AFF3: variants seen among roughly 807,000 people sequenced by gnomAD.
AFF3 encodes the protein ALF transcription elongation factor 3, also known as AF4/FMR2 family member 3.
In AFF3, 32 loss-of-function variants were observed where a neutral mutation model predicts 129.7. That is an observed-to-expected ratio of 0.25 (90% CI 0.19 to 0.33). The LOEUF is 0.33. AFF3 is among the 10% of genes least tolerant of loss of function. The probability of loss-of-function intolerance (pLI) is 1.00; values close to 1 mark genes in which losing one functional copy is unlikely to be tolerated. For synonymous variants in AFF3, 644 were observed against 635.4 expected, an observed-to-expected ratio of 1.01 and a Z score of -0.20; for missense variants, 1,373 against 1,592.0, an observed-to-expected ratio of 0.86 and a Z score of 2.34.
At position 99,911,415 on chromosome 2, in the gene AFF3, T is replaced by C. The variant is rs192712646; in HGVS notation, c.874-73891A>G. Among the ~76,000 whole-genome samples the C allele has an allele frequency of 2.9e-3, 432 of 147,460 alleles. 1 individual carries two copies. The highest frequency in any genetic ancestry group is 5.0e-3 in the Non-Finnish European group (333 of 67,022). On this transcript the variant is annotated intron_variant, in intron 7 of 24. Transcript: ENST00000672756. ...GAAAAAAAAAAAAAAAGAAAGAAAA[T>C]GCACTTTTTATGCTGAGGGACAGGC...
intron 8 of AFF3, among the ~76,000 whole-genome samples, chr2:99,813,328 A>C (rs911676096): frequency 2.0e-5 from 3 of 152,254 alleles, no homozygotes; most frequent in Admixed American, 2.0e-4. Flanking sequence ...ATAGATTTTT[A>C]TACCAGTTTT....
intron 10 of AFF3, among the ~76,000 whole-genome samples, chr2:99,738,619 A>C (rs1218061485): frequency 6.6e-6 from 1 of 152,106 alleles, no homozygotes; most frequent in African/African-American, 2.4e-5. Context: ...CATATTTTTA[A>C]ATAAAAAATT....
At chr2:99,909,279 T>C (rs1351542704) in intron 7 of AFF3, among the ~76,000 whole-genome samples, 4 of 146,866 alleles carry the variant, frequency 2.7e-5, no homozygotes, top group African/African-American at 2.5e-5. Context: ...TAGGTGGGAA[T>C]TGAACAAAGA....
At chr2:99,589,905 C>T (rs537057796) in intron 15 of AFF3, among the ~76,000 whole-genome samples, 29 of 152,342 alleles carry the variant, frequency 1.9e-4, no homozygotes, top group Non-Finnish European at 4.3e-4. Context: ...TTCACAGTCT[C>T]TGTCATGGAG....
intron 7 of AFF3, among the ~76,000 whole-genome samples, chr2:99,893,255 A>C (rs1693702960): frequency 6.6e-6 from 1 of 152,234 alleles, no homozygotes; most frequent in African/African-American, 2.4e-5. Flanking sequence ...CACAACAGGA[A>C]TATATCTGAT....
chr2:99,596,308 G>C (rs1421764315), intron 14 of AFF3, among the ~76,000 whole-genome samples: 1 of 152,226 alleles, frequency 6.6e-6, no homozygotes, highest in Non-Finnish European at 1.5e-5. Flanking sequence ...CCCATGGTCA[G>C]AGAAAGCAGG....
intron 7 of AFF3, among the ~76,000 whole-genome samples, chr2:99,897,337 C>T (rs1040229707): frequency 6.6e-6 from 1 of 151,616 alleles, no homozygotes; most frequent in Non-Finnish European, 1.5e-5. Context: ...AATAAAACAC[C>T]CCCCTGGCTC....
intron 7 of AFF3, 194 bp downstream of exon 7, chr2:100,006,438 A>C (rs1316079860): frequency 1.5e-6 from 1 of 669,200 alleles, no homozygotes; most frequent in Non-Finnish European, 2.3e-6. Context: ...CTAAAAATTC[A>C]AATTATAATA....
rs1688974884 is a variant in AFF3 at position 99,837,518 on chromosome 2, T to G, written c.880A>C (p.Arg294=). 11 of 1,613,580 alleles carry G rather than the reference T, an allele frequency of 6.8e-6. No individual in the cohort carries two copies. Among genetic ancestry groups the G allele is most frequent in the Non-Finnish European group, 9.3e-6 (11 of 1,179,804 alleles). The change falls in exon 8 of 25, where the codon AGA becomes CGA. Residue 294 remains arginine (R), a synonymous_variant. Coordinates refer to ENST00000672756, the MANE Select transcript of AFF3 (RefSeq NM_001386135.1). ...ACACAGCTGTTGGTTTCTCCAGATCTACTCTCCTGAAAGCAAAGAAAAAAA... is the reference window on the plus strand; with the variant it reads ...ACACAGCTGTTGGTTTCTCCAGATCGACTCTCCTGAAAGCAAAGAAAAAAA... ...FSIPKQGEES[R]SGETNSCVEE...
In AFF3 at chr2:99,554,465, G is replaced by T; in HGVS notation, c.3405C>A (p.Ser1135Arg). The change falls in exon 24 of 25, where the codon AGC (serine) becomes AGA (arginine). Residue 1135 changes from serine to arginine, a missense_variant. This residue lies in a region of AFF3 where 165 missense variants were observed against 234.0 expected (regional missense o/e 0.71). Transcript: ENST00000672756. ...GGGACAGGGCGCTGGCGTTGGAGAG[G>T]CTGCCCTGAGACCCCACGGAGCTGG... ...SPASSVGSQGSLSNASALSPS... is the reference protein window; with the variant it reads ...SPASSVGSQGRLSNASALSPS... 6.2e-7 allele frequency: 1 copy of T among 1,614,034 alleles called. No homozygotes were observed. Among genetic ancestry groups the T allele is most frequent in the Non-Finnish European group, 8.5e-7 (1 of 1,180,032 alleles).
chr2:99,695,013 T>C (rs1357276296), intron 11 of AFF3, among the ~76,000 whole-genome samples: 2 of 152,112 alleles, frequency 1.3e-5, no homozygotes, highest in African/African-American at 2.4e-5. Context: ...TTAATTTTAA[T>C]AATGATTTAA....
intron 11 of AFF3, among the ~76,000 whole-genome samples, chr2:99,718,425 T>C (rs1678573898): frequency 6.6e-6 from 1 of 152,384 alleles, no homozygotes; most frequent in South Asian, 2.1e-4. Flanking sequence ...TTAAATGGAA[T>C]TGCTTTTTAA....
chr2:99,946,473 T>TAAAAAAAAAAAAAAAAAA (rs55672296), intron 7 of AFF3, among the ~76,000 whole-genome samples: 2 of 50,504 alleles, frequency 4.0e-5, no homozygotes, highest in South Asian at 7.6e-4. Flanking sequence ...GACGCCATCT[T>TAAAAAAAAAAAAAAAAAA]AAAAAAAAAA....
chr2:99,957,703 T>C (rs1676799439), intron 7 of AFF3, among the ~76,000 whole-genome samples: 1 of 152,210 alleles, frequency 6.6e-6, no homozygotes, highest in Non-Finnish European at 1.5e-5. Flanking sequence ...CGAAGGTCTG[T>C]AGAAGACAGA....
chr2:99,962,850 A>AAAT (rs70940192), intron 7 of AFF3, among the ~76,000 whole-genome samples: 15,426 of 141,928 alleles, frequency 0.11, 1,004 homozygotes, highest in East Asian at 0.23. Flanking sequence ...AAGAGTATTC[A>AAAT]AATAATAATA....
intron 7 of AFF3, among the ~76,000 whole-genome samples, chr2:99,926,381 T>TGTTACCTCCTACAGAA (rs1696241556): frequency 6.6e-6 from 1 of 152,214 alleles, no homozygotes; most frequent in African/African-American, 2.4e-5. Context: ...AGTCAGGCAC[T>TGTTACCTCCTACAGAA]GGTTCTTTAC....
At chr2:99,755,399 C>G (rs1414144731) in intron 8 of AFF3, among the ~76,000 whole-genome samples, 1 of 151,958 alleles carries the variant, frequency 6.6e-6, no homozygotes, top group Non-Finnish European at 1.5e-5. Context: ...TCCCGAGTAG[C>G]TGGGATTACA....
intron 11 of AFF3, among the ~76,000 whole-genome samples, chr2:99,722,707 C>G (rs1679015471): frequency 1.3e-5 from 2 of 152,208 alleles, no homozygotes; most frequent in Non-Finnish European, 2.9e-5. Flanking sequence ...ATATTCCCCA[C>G]ACATATGCAG....
At chr2:99,730,275 T>A (rs532259689) in intron 10 of AFF3, among the ~76,000 whole-genome samples, 37 of 152,232 alleles carry the variant, frequency 2.4e-4, no homozygotes, top group Non-Finnish European at 3.2e-4. Flanking sequence ...ACTTAAAAAA[T>A]TATAACAGTT....
Sources: gnomAD v4.1 joint callset for allele counts (sites outside exome capture counted in the v4.1 genomes callset) on GRCh38, gnomAD v4.1.1 for gene constraint, gnomAD v4.1.1 regional missense constraint, MANE v1.5 for transcripts, NCBI Gene and HGNC (gene_info 2026-07-23, HGNC 2026-07-21) for gene names.